TNPO2: variants seen among roughly 807,000 people sequenced by gnomAD.
TNPO2 encodes the protein transportin 2.
A neutral mutation model predicts 111.1 loss-of-function variants in TNPO2; 16 were observed. The observed-to-expected ratio is 0.14, with a 90% confidence interval of 0.10 to 0.22. The LOEUF is 0.22. Among genes scored for constraint, TNPO2 ranks in the 10% least tolerant of loss-of-function variants. The pLI, the probability that TNPO2 is intolerant of heterozygous loss-of-function variation, is 1.00. For missense variants in TNPO2, 530 were observed against 1,173.7 expected (o/e 0.45, Z 8.01); for synonymous variants, 481 against 475.8 (o/e 1.01, Z -0.14).
rs138426328 is a variant in TNPO2 at position 12,719,702 on chromosome 19, C to T, written c.100-366G>A. Among the ~76,000 whole-genome samples, 486 of 151,910 alleles carry T rather than the reference C, an allele frequency of 3.2e-3. 5 individuals are homozygous for T. Among genetic ancestry groups the T allele is most frequent in the African/African-American group, 0.011 (455 of 41,422 alleles). ...TATTCCCAACTACTTGGGAGGCTGA[C>T]GCAGGGGAATCGCTTGAACCCAGCA... On this transcript the variant is annotated intron_variant, in intron 3 of 25. Transcript: ENST00000425528. This position sits in a 1 kb window ranked among gnomAD's most constrained non-coding sequence, Gnocchi z 5.0.
At chr19:12,707,287 G>A (rs1021597446) in intron 13 of TNPO2, among the ~76,000 whole-genome samples, 9 of 152,090 alleles carry the variant, frequency 5.9e-5, no homozygotes, top group South Asian at 2.1e-4. Context: ...GTGAGCCACC[G>A]CGCCCAGCCA....
chr19:12,712,393 A>C (rs1246458760), intron 10 of TNPO2, among the ~76,000 whole-genome samples: 3 of 152,150 alleles, frequency 2.0e-5, no homozygotes, highest in African/African-American at 7.2e-5. Flanking sequence ...CCTCTTGTGG[A>C]GGGCCTGACA....
chr19:12,720,049 C>T (rs2026588487), intron 3 of TNPO2, among the ~76,000 whole-genome samples: 1 of 151,870 alleles, frequency 6.6e-6, no homozygotes, highest in South Asian at 2.1e-4. Flanking sequence ...CAGAGTCTCA[C>T]TCTGTCACTT....
Position 12,702,979 on chromosome 19 carries a change from C to T in TNPO2, c.2210-61G>A, listed in dbSNP as rs2145456102. 1.4e-6 allele frequency: 2 copies of T among 1,464,028 alleles called. No individual in the cohort carries two copies. The highest frequency in any genetic ancestry group is 1.7e-5 in the Admixed American group (1 of 57,228). The allele number at this position is 1,464,028 out of a possible 1,614,324, so 90.7% of individuals were successfully genotyped here. ...CCGCCACCCACAGGGGCCAGGGGGC[C>T]GCCCCACCTCACTCACTACTCGCCC... On this transcript the variant is annotated intron_variant, in intron 20 of 25. Coordinates refer to ENST00000425528, the MANE Select transcript of TNPO2 (RefSeq NM_001382241.1). The surrounding 1 kb of genome is among the most constrained non-coding windows in gnomAD (Gnocchi z 5.5).
rs1364995459 is a variant in TNPO2 at position 12,711,354 on chromosome 19, A to G, written c.1059T>C (p.Asp353=). Residue 353 remains aspartate (D), a synonymous_variant, in exon 12 of 26, where the codon GAT becomes GAC. Coordinates refer to ENST00000425528, the MANE Select transcript of TNPO2 (RefSeq NM_001382241.1). ...CGTCATCCTCCGCGTCCTCGGAGCC[A>G]TCAGGCCGCTCAGCCTCGTGGGGCA... ...VTLPHEAERP[D]GSEDAEDDDD... 1.9e-6 allele frequency: 3 copies of G among 1,613,886 alleles called. No individual in the cohort carries two copies. Among genetic ancestry groups the G allele is most frequent in the Non-Finnish European group, 2.5e-6 (3 of 1,179,904 alleles).
At position 12,702,479 on chromosome 19, in the gene TNPO2, G is replaced by C. The variant is rs968224852; in HGVS notation, c.2306-302C>G. On this transcript the variant is annotated intron_variant, in intron 21 of 25. Transcript: ENST00000425528. The surrounding 1 kb of genome is among the most constrained non-coding windows in gnomAD (Gnocchi z 5.5). ...GCATGATCTTGGCTCATTGCAACCT[G>C]CCTCAGCCTCCCGAGTAGCTGGGAT... 3 of 565,716 alleles carry C rather than the reference G, an allele frequency of 5.3e-6. No individual in the cohort carries two copies. In the African/African-American group the frequency reaches 5.7e-5, roughly 11 times the overall value. 35.0% of individuals were successfully genotyped at this position (565,716 alleles called of 1,614,324 possible). A position where few individuals can be genotyped will look rare whatever the true frequency, so the allele number is the denominator to read the frequency against.
Position 12,701,711 on chromosome 19 carries a change from C to A in TNPO2, c.2512-39G>T. 6.2e-7 allele frequency: 1 copy of A among 1,613,224 alleles called. No individual in the cohort carries two copies. The highest frequency in any genetic ancestry group is 8.5e-7 in the Non-Finnish European group (1 of 1,179,376). On this transcript the variant is annotated intron_variant, in intron 23 of 25. Coordinates refer to ENST00000425528, the MANE Select transcript of TNPO2 (RefSeq NM_001382241.1). This position sits in a 1 kb window ranked among gnomAD's most constrained non-coding sequence, Gnocchi z 5.0. The stretch of plus-strand genomic sequence containing the variant: ...GATCCCAGGTGAGGGGCCGCCCGAG[C>A]CCAGCGCCCGCGCCTGCCCTCAGAG...
At position 12,701,526 on chromosome 19, in the gene TNPO2, G is replaced by A. The variant is rs565952676; in HGVS notation, c.2586+72C>T. 3.9e-4 allele frequency: 631 copies of A among 1,598,644 alleles called. 1 individual carries two copies. Among genetic ancestry groups the A allele is most frequent in the Non-Finnish European group, 3.9e-4 (460 of 1,166,334 alleles). Reference sequence around the variant, plus strand: ...AGTGCGCCTCTTCCCCCATCCCCAGGCCCCATTGTTACCAGATGGTCTCAC... The same window carrying A: ...AGTGCGCCTCTTCCCCCATCCCCAGACCCCATTGTTACCAGATGGTCTCAC... On this transcript the variant is annotated intron_variant, in intron 24 of 25. Transcript: ENST00000425528. This position sits in a 1 kb window ranked among gnomAD's most constrained non-coding sequence, Gnocchi z 5.0.
Position 12,706,065 on chromosome 19 carries a change from G to A in TNPO2, c.1668+131C>T, listed in dbSNP as rs971484264. The A allele has an allele frequency of 1.8e-5, 18 of 1,027,172 alleles. No homozygotes were observed. In the African/African-American group the frequency reaches 2.1e-4, roughly 12 times the overall value. The allele number at this position is 1,027,172 out of a possible 1,614,324, so 63.6% of individuals were successfully genotyped here. A position where few individuals can be genotyped will look rare whatever the true frequency, so the allele number is the denominator to read the frequency against. On this transcript the variant is annotated intron_variant, in intron 15 of 25. Transcript: ENST00000425528. This position sits in a 1 kb window ranked among gnomAD's most constrained non-coding sequence, Gnocchi z 7.0. ...ACTAGACTGGGAGCAGGGCGAGGGC[G>A]GGGCCGGGTCTGTCTGTCTGCCTGT... is the stretch of plus-strand genomic sequence containing the variant.
chr19:12,702,521 T>G lies in TNPO2; in HGVS notation c.2305+302A>C. On this transcript the variant is annotated intron_variant, in intron 21 of 25. Coordinates refer to ENST00000425528, the MANE Select transcript of TNPO2 (RefSeq NM_001382241.1). The surrounding 1 kb of genome is among the most constrained non-coding windows in gnomAD (Gnocchi z 5.5). ...AGCTGGGATTGCAGGCACGTGCCAT[T>G]ACCCCCGGCTAATTTTTGTATTTTT... 1 of 514,418 alleles carries G rather than the reference T, an allele frequency of 1.9e-6. No individual in the cohort carries two copies. The allele number at this position is 514,418 out of a possible 1,614,324, so 31.9% of individuals were successfully genotyped here.
chr19:12,701,878 C>G lies in TNPO2; in HGVS notation c.2412-27G>C. The stretch of plus-strand genomic sequence containing the variant: ...TGTGGGAAGGTGAGCAGCTGGAGGT[C>G]AGAGGGCAGGCTGGGCATGCATCTG... On this transcript the variant is annotated intron_variant, in intron 22 of 25. Coordinates refer to ENST00000425528, the MANE Select transcript of TNPO2 (RefSeq NM_001382241.1). This position sits in a 1 kb window ranked among gnomAD's most constrained non-coding sequence, Gnocchi z 5.0. 6.3e-7 allele frequency: 1 copy of G among 1,592,230 alleles called. No homozygotes were observed. The highest frequency in any genetic ancestry group is 8.6e-7 in the Non-Finnish European group (1 of 1,162,580).
intron 12 of TNPO2, among the ~76,000 whole-genome samples, 163 bp from the exon 13 acceptor site, chr19:12,710,936 C>G (rs2026001924): frequency 6.6e-6 from 1 of 152,100 alleles, no homozygotes; most frequent in Non-Finnish European, 1.5e-5. Flanking sequence ...CTTTTTCCGC[C>G]CAGGCCGGAG....
In TNPO2 at chr19:12,703,474, G is replaced by A. The variant is rs760494109; in HGVS notation, c.2163C>T (p.Val721=). Residue 721 remains valine (V), a synonymous_variant, in exon 20 of 26, where the codon GTC becomes GTT. Coordinates refer to ENST00000425528, the MANE Select transcript of TNPO2 (RefSeq NM_001382241.1). The stretch of plus-strand genomic sequence containing the variant: ...CAATGGCCCAGGTGGCGTTGTTGCA[G>A]ACGGAGATGAACTCTGGGTTCAGGT... The part of the protein sequence containing the change: ...GTNLNPEFIS[V]CNNATWAIGE... 3 of 1,614,032 alleles carry A rather than the reference G, an allele frequency of 1.9e-6. No homozygotes were observed. Among genetic ancestry groups the A allele is most frequent in the Non-Finnish European group, 2.5e-6 (3 of 1,179,906 alleles).
In TNPO2 at chr19:12,715,757, G is replaced by C. The variant is rs1046620890; in HGVS notation, c.326-18C>G. 2.5e-6 allele frequency: 4 copies of C among 1,591,666 alleles called. No individual in the cohort carries two copies. The highest frequency in any genetic ancestry group is 2.6e-6 in the Non-Finnish European group (3 of 1,169,948). On this transcript the variant is annotated intron_variant, in intron 5 of 25. Transcript: ENST00000425528. The surrounding 1 kb of genome is among the most constrained non-coding windows in gnomAD (Gnocchi z 7.1). The stretch of plus-strand genomic sequence containing the variant: ...GAGAATGCCTGGGGCGGCCGGGAAA[G>C]GACGCTGCCTGAGGCTGGGCAGGGG...
chr19:12,707,280 AGCCACCGC>A (rs1292975751), intron 13 of TNPO2, among the ~76,000 whole-genome samples: 4 of 152,114 alleles, frequency 2.6e-5, no homozygotes, highest in African/African-American at 9.7e-5. Flanking sequence ...TACAGGCGTG[AGCCACCGC>A]GCCCAGCCAA....
chr19:12,705,514 T>C lies in TNPO2; in HGVS notation c.1841A>G (p.Gln614Arg). The C allele has an allele frequency of 6.2e-7, 1 of 1,601,014 alleles. No individual in the cohort carries two copies. The highest frequency in any genetic ancestry group is 8.5e-7 in the Non-Finnish European group (1 of 1,174,432). The change falls in exon 17 of 26, where the codon CAG becomes CGG. Residue 614 changes from glutamine (Q) to arginine (R), a missense_variant. By Grantham distance (43) the Gln-to-Arg change is conservative. Transcript: ENST00000425528. The surrounding 1 kb of genome is among the most constrained non-coding windows in gnomAD (Gnocchi z 7.2). ...CACCATGGCCTGAGCCAGTGTCTTC[T>C]GCACCAGGGTGACACAGCGCTGGTA... ...PVYQRCVTLV[Q>R]KTLAQAMMYT... is the part of the protein sequence containing the mutation.
Position 12,702,234 on chromosome 19 carries a change from C to T in TNPO2, c.2306-57G>A. On this transcript the variant is annotated intron_variant, in intron 21 of 25. Coordinates refer to ENST00000425528, the MANE Select transcript of TNPO2 (RefSeq NM_001382241.1). The surrounding 1 kb of genome is among the most constrained non-coding windows in gnomAD (Gnocchi z 5.5). ...TGGCGGGGCCTCTGGCACAAGGCACCAAGCCCCGCCCCATGAGCCCCAAGG... is the reference window on the plus strand; with the variant it reads ...TGGCGGGGCCTCTGGCACAAGGCACTAAGCCCCGCCCCATGAGCCCCAAGG... 1 of 1,461,208 alleles carries T rather than the reference C, an allele frequency of 6.8e-7. No individual in the cohort carries two copies. Among genetic ancestry groups the T allele is most frequent in the East Asian group, 2.4e-5 (1 of 42,240 alleles). 90.5% of individuals were successfully genotyped at this position (1,461,208 alleles called of 1,614,324 possible). A position where few individuals can be genotyped will look rare whatever the true frequency, so the allele number is the denominator to read the frequency against.
chr19:12,716,346 C>T (rs1228083115), intron 5 of TNPO2, among the ~76,000 whole-genome samples: 7 of 152,112 alleles, frequency 4.6e-5, no homozygotes, highest in Non-Finnish European at 8.8e-5. Context: ...TGGGAGGGGC[C>T]GTGCATGGGT....
rs1232286518 is a variant in TNPO2 at position 12,702,191 on chromosome 19, C to T, written c.2306-14G>A. 1.7e-5 allele frequency: 27 copies of T among 1,609,844 alleles called. No homozygotes were observed. The highest frequency in any genetic ancestry group is 6.7e-5 in the Admixed American group (4 of 59,606). Reference sequence around the variant, plus strand: ...TCGTCAGGCGACCTGCAACCCCGAGCGGCCCCGGGACGGTACGTGGCGGGG... The same window carrying T: ...TCGTCAGGCGACCTGCAACCCCGAGTGGCCCCGGGACGGTACGTGGCGGGG... On this transcript the variant is annotated splice_polypyrimidine_tract_variant and intron_variant, in intron 21 of 25. Coordinates refer to ENST00000425528, the MANE Select transcript of TNPO2 (RefSeq NM_001382241.1). The surrounding 1 kb of genome is among the most constrained non-coding windows in gnomAD (Gnocchi z 5.5).
Sources: allele counts gnomAD v4.1 joint callset (sites outside exome capture counted in the v4.1 genomes callset), GRCh38; gene constraint gnomAD v4.1.1; non-coding constraint Gnocchi (gnomAD v3.1); transcripts MANE v1.5; gene names NCBI Gene and HGNC (gene_info 2026-07-23, HGNC 2026-07-21).